Variants in ZNF658 observed in about 807,000 individuals in gnomAD.
The protein encoded by ZNF658 is zinc finger protein 658.
A neutral mutation model predicts 78.0 loss-of-function variants in ZNF658; 46 were observed. The ratio of observed to expected loss-of-function variants is 0.59; its 90% CI spans 0.47 to 0.75. The LOEUF (loss-of-function observed/expected upper bound fraction) is 0.75. ZNF658 is among the 30% of genes least tolerant of loss of function. The pLI, the probability that ZNF658 is intolerant of heterozygous loss-of-function variation, is 0.00. For missense variants in ZNF658, 785 were observed against 1,189.3 expected (o/e 0.66, Z 5.00); for synonymous variants, 279 against 408.4 (o/e 0.68, Z 3.82).
chr9:66,914,373 A>G (rs1822285026), intron 4 of ZNF658, among the ~76,000 whole-genome samples: 1 of 151,986 alleles, frequency 6.6e-6, no homozygotes, highest in Non-Finnish European at 1.5e-5. Flanking sequence ...CTTGCTAAAA[A>G]CACTTATTAG....
chr9:66,930,307 C>T (rs1379676838), intron 6 of ZNF658, among the ~76,000 whole-genome samples: 82 of 143,514 alleles, frequency 5.7e-4, no homozygotes, highest in Admixed American at 5.0e-4. Context: ...AACTTGTTTC[C>T]AACAAGAGTG....
rs1425620113 is a variant in ZNF658, at chr9:66,900,744, G to C, written c.-137G>C. 6.6e-6 allele frequency: 1 copy of C among 152,316 alleles called. No individual in the cohort carries two copies. The highest frequency in any genetic ancestry group is 1.5e-5 in the Non-Finnish European group (1 of 68,084). The allele number at this position is 152,316 out of a possible 1,614,324, so 9.4% of individuals were successfully genotyped here. ...CTCGCTCTGCGCATGTGTAAACCCA[G>C]CCCCACCTCCTGCCGTCTGCCCTCC... On this transcript the variant is annotated 5_prime_UTR_variant, in exon 1 of 5. Transcript: ENST00000621410.
At chr9:66,905,107 G>T (rs1397123366) in intron 2 of ZNF658, among the ~76,000 whole-genome samples, 3 of 92,694 alleles carry the variant, frequency 3.2e-5, no homozygotes, top group Non-Finnish European at 5.7e-5. Flanking sequence ...ACAGTCTCTC[G>T]CTCTGTCACC....
downstream of ZNF658, among the ~76,000 whole-genome samples, chr9:66,925,919 G>T (rs894125551): frequency 1.4e-5 from 2 of 146,068 alleles, no homozygotes; most frequent in South Asian, 2.3e-4. Flanking sequence ...TCCCTGAGTT[G>T]CAGGGATGGT....
intron 6 of ZNF658, among the ~76,000 whole-genome samples, chr9:66,928,378 GT>G (rs1341446352): frequency 6.6e-6 from 1 of 151,702 alleles, no homozygotes; most frequent in African/African-American, 2.4e-5. Flanking sequence ...ATGACAGGAA[GT>G]TTTGTGGAAT....
At position 66,920,347 on chromosome 9, in the gene ZNF658, A is replaced by T. The variant is rs761478720; in HGVS notation, c.2781A>T (p.Ala927=). The stretch of plus-strand genomic sequence containing the variant: ...TCTCTGAGAAGTCATATGTTAGTGC[A>T]CATCAGAGAGTTCATACGGGGGAGA... ...KTFSEKSYVS[A]HQRVHTGEKP... Residue 927 remains alanine (A), a synonymous_variant, in exon 5 of 5, where the codon GCA becomes GCT. Coordinates refer to ENST00000621410, the MANE Select transcript of ZNF658 (RefSeq NM_033160.7). The T allele has an allele frequency of 1.2e-5, 19 of 1,613,710 alleles. No individual in the cohort carries two copies. The highest frequency in any genetic ancestry group is 2.5e-6 in the Non-Finnish European group (3 of 1,179,956).
At chr9:66,906,695 C>G (rs1822087795) in intron 2 of ZNF658, among the ~76,000 whole-genome samples, 1 of 151,336 alleles carries the variant, frequency 6.6e-6, no homozygotes, top group Admixed American at 6.6e-5. Flanking sequence ...CAGTGGATAC[C>G]AGGCCGCTGG....
chr9:66,930,686 A>T (rs1364397921), intron 6 of ZNF658, among the ~76,000 whole-genome samples: 1 of 152,128 alleles, frequency 6.6e-6, no homozygotes, highest in Non-Finnish European at 1.5e-5. Context: ...CAAAAAAAAA[A>T]TGGAATTTTC....
intron 6 of ZNF658, among the ~76,000 whole-genome samples, chr9:66,928,887 T>G (rs1000703422): frequency 1.4e-5 from 2 of 147,974 alleles, no homozygotes; most frequent in South Asian, 2.3e-4. Context: ...CTTTTAATGA[T>G]AGTTTCCTGT....
chr9:66,908,618 T>C (rs1490643881), intron 3 of ZNF658, 21 bp from the exon 4 acceptor site: 3 of 1,560,690 alleles, frequency 1.9e-6, no homozygotes, highest in Non-Finnish European at 2.6e-6. Context: ...ATCTGGTCCA[T>C]GTCAATTATT....
In ZNF658 at chr9:66,918,207, C is replaced by A. The variant is rs1822386904; in HGVS notation, c.641C>A (p.Ser214Tyr). The A allele has an allele frequency of 6.2e-7, 1 of 1,605,890 alleles. No homozygotes were observed. The highest frequency in any genetic ancestry group is 8.5e-7 in the Non-Finnish European group (1 of 1,177,230). Reference protein sequence around the residue: ...QHWKFQTLEESFECDGSGQGL... With the variant: ...QHWKFQTLEEYFECDGSGQGL... ...TGGAAATTTCAAACTTTGGAGGAAT[C>A]TTTTGAATGTGATGGATCTGGACAA... Residue 214 changes from serine to tyrosine, a missense_variant, in exon 5 of 5, where the codon TCT (serine) becomes TAT (tyrosine). By Grantham distance (144) the Ser-to-Tyr change is moderately radical. Around this residue, in one of 12 missense-constraint regions of ZNF658, gnomAD observed 393 missense variants for 400.2 expected, o/e 0.98. Transcript: ENST00000621410.
At chr9:66,906,974 C>T (rs1335995597) in intron 2 of ZNF658, among the ~76,000 whole-genome samples, 1 of 151,882 alleles carries the variant, frequency 6.6e-6, no homozygotes, top group Admixed American at 6.6e-5. Context: ...TCATCACTTG[C>T]TAATTTGAAT....
chr9:66,907,660 C>T (rs969778325), intron 2 of ZNF658, among the ~76,000 whole-genome samples: 23 of 152,356 alleles, frequency 1.5e-4, no homozygotes, highest in African/African-American at 5.3e-4. Context: ...GCTTCTCATA[C>T]AGCTAGATTG....
In ZNF658 at chr9:66,918,938, C is replaced by T. The variant is rs1408794302; in HGVS notation, c.1372C>T (p.His458Tyr). 6.7e-7 allele frequency: 1 copy of T among 1,502,158 alleles called. No individual in the cohort carries two copies. The highest frequency in any genetic ancestry group is 1.8e-5 in the Admixed American group (1 of 54,486). 93.1% of individuals were successfully genotyped at this position (1,502,158 alleles called of 1,614,324 possible). Residue 458 changes from histidine (H) to tyrosine (Y), a missense_variant, in exon 5 of 5, where the codon CAT becomes TAT. By Grantham distance (83) the His-to-Tyr change is moderately conservative. Coordinates refer to ENST00000621410, the MANE Select transcript of ZNF658 (RefSeq NM_033160.7). ...AFCQNSNLSK[H>Y]LRIHTKEKPC... is the part of the protein sequence containing the mutation. The stretch of plus-strand genomic sequence containing the variant: ...CTGTCAGAATTCAAACCTCAGTAAA[C>T]ATCTGAGAATTCACACAAAAGAGAA...
rs139383611 is a variant in ZNF658 at position 66,918,825 on chromosome 9, C to G, written c.1259C>G (p.Ser420Cys). The G allele has an allele frequency of 1.2e-6, 2 of 1,612,934 alleles. No individual in the cohort carries two copies. The highest frequency in any genetic ancestry group is 1.7e-6 in the Non-Finnish European group (2 of 1,179,648). ...KTYQYEECAK[S>C]FCSSSHPIQH... is the part of the protein sequence containing the mutation. ...TACCAATATGAGGAATGTGCAAAATCCTTTTGTTCAAGTTCACATCCTATT... is the reference window on the plus strand; with the variant it reads ...TACCAATATGAGGAATGTGCAAAATGCTTTTGTTCAAGTTCACATCCTATT... Residue 420 changes from serine to cysteine, a missense_variant, in exon 5 of 5, where the codon TCC becomes TGC. By Grantham distance (112) the Ser-to-Cys change is moderately radical. Coordinates refer to ENST00000621410, the MANE Select transcript of ZNF658 (RefSeq NM_033160.7).
At chr9:66,921,728 G>C (rs1822530988), downstream of ZNF658, among the ~76,000 whole-genome samples, 1 of 151,398 alleles carries the variant, frequency 6.6e-6, no homozygotes, top group East Asian at 2.0e-4. Context: ...TCTCAGAGGG[G>C]TACTAGGCTG....
At chr9:66,910,669 A>G (rs1587359849) in intron 4 of ZNF658, among the ~76,000 whole-genome samples, 1 of 152,084 alleles carries the variant, frequency 6.6e-6, no homozygotes, top group South Asian at 2.1e-4. Flanking sequence ...TTAGCCAGGC[A>G]CCTGTAGTCT....
downstream of ZNF658, among the ~76,000 whole-genome samples, chr9:66,922,259 C>T (rs1015743589): frequency 1.7e-4 from 26 of 151,662 alleles, no homozygotes; most frequent in African/African-American, 5.6e-4. Context: ...CAGGGCTACC[C>T]TTGGCTAGGA....
intron 4 of ZNF658, among the ~76,000 whole-genome samples, chr9:66,913,956 A>G (rs1288803001): frequency 1.5e-5 from 1 of 66,892 alleles, no homozygotes; most frequent in Non-Finnish European, 2.8e-5. Flanking sequence ...CCTTATGCCA[A>G]TACCACATTA....
Sources: gnomAD v4.1 joint callset for allele counts (sites outside exome capture counted in the v4.1 genomes callset) on GRCh38, gnomAD v4.1.1 for gene constraint, gnomAD v4.1.1 regional missense constraint, MANE v1.5 for transcripts, NCBI Gene and HGNC (gene_info 2026-07-23, HGNC 2026-07-21) for gene names.